Variants in CAAP1 observed in about 807,000 individuals in gnomAD.
CAAP1 encodes caspase activity and apoptosis inhibitor 1.
CAAP1 carries 20 observed loss-of-function variants against 34.0 expected under a neutral mutation model. That is an observed-to-expected ratio of 0.59 (90% confidence interval 0.41 to 0.86). The LOEUF is 0.86. Among genes scored for constraint, CAAP1 ranks in the 40% least tolerant of loss-of-function variants. The probability of loss-of-function intolerance (pLI) is 0.00; values close to 1 mark genes in which losing one functional copy is unlikely to be tolerated. For missense variants in CAAP1, 538 were observed against 450.5 expected (o/e 1.19, Z -1.76); for synonymous variants, 213 against 166.7 (o/e 1.28, Z -2.14).
chr9:26,865,647 A>C (rs1439051577), intron 4 of CAAP1, among the ~76,000 whole-genome samples: 1 of 152,272 alleles, frequency 6.6e-6, no homozygotes, highest in Non-Finnish European at 1.5e-5. Flanking sequence ...ACAGATTCCA[A>C]GTAAAAATTC....
At chr9:26,875,635 TC>T (rs965932550) in intron 4 of CAAP1, among the ~76,000 whole-genome samples, 1 of 151,326 alleles carries the variant, frequency 6.6e-6, no homozygotes, top group Non-Finnish European at 1.5e-5. Flanking sequence ...TTATGTATTT[TC>T]CCCTTCAATC....
chr9:26,887,546 A>G, intron 1 of CAAP1, 33 bp from the exon 2 acceptor site: 1 of 1,274,818 alleles, frequency 7.8e-7, no homozygotes, highest in East Asian at 2.5e-5. Flanking sequence ...CCATTAAACA[A>G]TACTACTTAA....
intron 4 of CAAP1, among the ~76,000 whole-genome samples, chr9:26,874,757 G>T (rs1823384007): frequency 6.6e-6 from 1 of 152,068 alleles, no homozygotes; most frequent in Non-Finnish European, 1.5e-5. Context: ...ACTATTGGTA[G>T]TAAAAAGGAG....
chr9:26,880,045 T>G lies in CAAP1; in HGVS notation c.665+4765A>C, dbSNP rs1011480390. 3 of 184,830 alleles carry G rather than the reference T, an allele frequency of 1.6e-5. No individual in the cohort carries two copies. In the East Asian group the frequency reaches 6.2e-4, roughly 38 times the overall value. The allele number at this position is 184,830 out of a possible 1,614,324, so 11.4% of individuals were successfully genotyped here. On this transcript the variant is annotated intron_variant, in intron 4 of 5. Transcript: ENST00000333916. Reference sequence around the variant, plus strand: ...CCGACTAATACAGGTATCTTTTGACTCTATGGCAAAAAAATAAGCTCAAAA... The same window carrying G: ...CCGACTAATACAGGTATCTTTTGACGCTATGGCAAAAAAATAAGCTCAAAA...
intron 4 of CAAP1, chr9:26,880,245 AC>A: frequency 2.4e-6 from 1 of 415,970 alleles, no homozygotes; most frequent in Non-Finnish European, 4.8e-6. Context: ...AAAAAGGACA[AC>A]CAGATAGGCC....
chr9:26,846,657 A>G (rs1428707083), intron 5 of CAAP1, among the ~76,000 whole-genome samples: 4 of 151,866 alleles, frequency 2.6e-5, no homozygotes, highest in African/African-American at 9.7e-5. Flanking sequence ...GAAGAAATAC[A>G]TGTTCACAGA....
chr9:26,864,871 A>C, intron 4 of CAAP1, among the ~76,000 whole-genome samples: 1 of 152,210 alleles, frequency 6.6e-6, no homozygotes, highest in Non-Finnish European at 1.5e-5. Context: ...GATTAGTAAT[A>C]CTTTCTGTAA....
chr9:26,863,241 A>C (rs1823045665), intron 4 of CAAP1, among the ~76,000 whole-genome samples: 1 of 152,134 alleles, frequency 6.6e-6, no homozygotes, highest in African/African-American at 2.4e-5. Context: ...TAGGCTGTTG[A>C]AGTCGCCAAA....
chr9:26,870,456 G>C (rs1301750244), intron 4 of CAAP1, among the ~76,000 whole-genome samples: 1 of 151,328 alleles, frequency 6.6e-6, no homozygotes, highest in South Asian at 2.1e-4. Flanking sequence ...GCATTCCAGA[G>C]TGGTTATCTA....
At chr9:26,886,548 G>A (rs1033641627) in intron 2 of CAAP1, among the ~76,000 whole-genome samples, 3 of 152,100 alleles carry the variant, frequency 2.0e-5, no homozygotes, top group African/African-American at 4.8e-5. Flanking sequence ...CTTAACTTTA[G>A]TGACCAAGGC....
intron 4 of CAAP1, among the ~76,000 whole-genome samples, chr9:26,880,778 T>G (rs1823574170): frequency 1.3e-5 from 2 of 152,128 alleles, no homozygotes. Context: ...TGGGTTCAAG[T>G]GACTCTCCTG....
intron 2 of CAAP1, among the ~76,000 whole-genome samples, chr9:26,886,842 C>A (rs1382915238): frequency 3.3e-5 from 5 of 152,170 alleles, no homozygotes; most frequent in African/African-American, 1.2e-4. Flanking sequence ...ATACAAGGCT[C>A]CAAGAACCAA....
intron 3 of CAAP1, among the ~76,000 whole-genome samples, chr9:26,885,715 G>T (rs1265942582): frequency 2.6e-5 from 4 of 151,808 alleles, no homozygotes; most frequent in African/African-American, 9.7e-5. Context: ...TCTATATCTG[G>T]GTCTTATTAG....
intron 5 of CAAP1, among the ~76,000 whole-genome samples, chr9:26,859,258 A>T (rs531946868): frequency 1.3e-5 from 2 of 152,220 alleles, no homozygotes; most frequent in African/African-American, 4.8e-5. Flanking sequence ...CCCTCTCTGC[A>T]CCTTCATGAC....
intron 4 of CAAP1, chr9:26,880,230 T>A (rs1312374891): frequency 9.7e-6 from 4 of 411,542 alleles, no homozygotes; most frequent in South Asian, 7.1e-5. Flanking sequence ...CAGGCTGGTG[T>A]CTTCAAAAAG....
At chr9:26,847,359 C>T (rs10967563) in intron 5 of CAAP1, among the ~76,000 whole-genome samples, 21 of 151,374 alleles carry the variant, frequency 1.4e-4, no homozygotes, top group African/African-American at 4.4e-4. Context: ...GGACTACAGG[C>T]GCCCGCCACC....
intron 5 of CAAP1, among the ~76,000 whole-genome samples, chr9:26,848,432 C>T (rs887679075): frequency 7.9e-5 from 12 of 152,144 alleles, no homozygotes; most frequent in African/African-American, 1.7e-4. Flanking sequence ...AGGAGAATGG[C>T]GTGAACCCGG....
chr9:26,865,377 G>A (rs967780307), intron 4 of CAAP1, among the ~76,000 whole-genome samples: 1 of 152,066 alleles, frequency 6.6e-6, no homozygotes, highest in Non-Finnish European at 1.5e-5. Context: ...TACAAAATTA[G>A]CCAGGTGTGG....
chr9:26,872,693 A>G (rs1016709503), intron 4 of CAAP1, among the ~76,000 whole-genome samples: 1 of 151,854 alleles, frequency 6.6e-6, no homozygotes, highest in Non-Finnish European at 1.5e-5. Flanking sequence ...AAGTGCTCAG[A>G]TTACAGGCAT....
Sources: gnomAD v4.1 joint callset for allele counts (sites outside exome capture counted in the v4.1 genomes callset) on GRCh38, gnomAD v4.1.1 for gene constraint, MANE v1.5 for transcripts, NCBI Gene and HGNC (gene_info 2026-07-23, HGNC 2026-07-21) for gene names.